The following SPMIP2 variants were observed in gnomAD, a reference collection of about 807,000 sequenced individuals.
The protein encoded by SPMIP2 is sperm microtubule inner protein 2.
At chr4:158,969,036 TATATA>T in the SPMIP2 span, among the ~76,000 whole-genome samples, 55 of 152,276 alleles carry the variant, frequency 3.6e-4, no homozygotes, top group Non-Finnish European at 5.4e-4. Context: ...GTTTTTAAAA[TATATA>T]ATATATTGGT....
chr4:158,925,651 A>G, the SPMIP2 span, among the ~76,000 whole-genome samples: 1 of 152,314 alleles, frequency 6.6e-6, no homozygotes, highest in East Asian at 1.9e-4. Flanking sequence ...ATGAGAATCT[A>G]ATGCTGCCAC....
chr4:158,975,743 C>T, the SPMIP2 span, among the ~76,000 whole-genome samples: 421 of 152,228 alleles, frequency 2.8e-3, no homozygotes, highest in African/African-American at 9.8e-3. Flanking sequence ...ATGTCTCCAG[C>T]TTTGTTCTTT....
chr4:159,048,186 C>A, the SPMIP2 span, among the ~76,000 whole-genome samples: 1 of 152,178 alleles, frequency 6.6e-6, no homozygotes, highest in South Asian at 2.1e-4. Context: ...GACCTGGCCT[C>A]TGTTTCAGAA....
the SPMIP2 span, chr4:158,895,922 C>T: frequency 6.5e-5 from 83 of 1,281,516 alleles, no homozygotes; most frequent in Non-Finnish European, 1.5e-5. Context: ...TAGCATTGTA[C>T]CCACTAACGT....
At chr4:159,029,833 G>C in the SPMIP2 span, among the ~76,000 whole-genome samples, 1 of 152,018 alleles carries the variant, frequency 6.6e-6, no homozygotes, top group Non-Finnish European at 1.5e-5. Context: ...GTATATTTTT[G>C]TATCCTCCAA....
chr4:158,902,345 C>G, the SPMIP2 span, among the ~76,000 whole-genome samples: 2 of 152,176 alleles, frequency 1.3e-5, no homozygotes, highest in Non-Finnish European at 2.9e-5. Flanking sequence ...GCTGCCTGTT[C>G]CTTCCTCTGG....
the SPMIP2 span, among the ~76,000 whole-genome samples, chr4:158,992,800 A>C: frequency 6.6e-6 from 1 of 152,166 alleles, no homozygotes; most frequent in Non-Finnish European, 1.5e-5. Context: ...GGTGCTGTGA[A>C]GCCTTCTTTA....
chr4:158,937,158 G>C, the SPMIP2 span, among the ~76,000 whole-genome samples: 6 of 152,154 alleles, frequency 3.9e-5, no homozygotes, highest in African/African-American at 9.7e-5. Flanking sequence ...TGATAATGTT[G>C]TATCTTGTTT....
chr4:158,923,176 T>C, the SPMIP2 span, among the ~76,000 whole-genome samples: 1 of 152,210 alleles, frequency 6.6e-6, no homozygotes, highest in African/African-American at 2.4e-5. Context: ...TTATAGCAAG[T>C]TTTGAAATGG....
chr4:158,962,545 G>A, the SPMIP2 span, among the ~76,000 whole-genome samples: 1 of 152,016 alleles, frequency 6.6e-6, no homozygotes, highest in African/African-American at 2.4e-5. Context: ...AATTCCCTAC[G>A]GCTATCTTTT....
the SPMIP2 span, among the ~76,000 whole-genome samples, chr4:158,979,270 T>G: frequency 6.6e-6 from 1 of 152,202 alleles, no homozygotes; most frequent in Non-Finnish European, 1.5e-5. Context: ...TTCAAGCCAG[T>G]GGATCTTAGC....
the SPMIP2 span, among the ~76,000 whole-genome samples, chr4:158,922,490 G>T: frequency 6.6e-6 from 1 of 152,200 alleles, no homozygotes; most frequent in South Asian, 2.1e-4. Context: ...ATGTCTAGAA[G>T]AAGATACTGT....
the SPMIP2 span, among the ~76,000 whole-genome samples, chr4:158,950,857 C>A: frequency 2.6e-5 from 4 of 152,160 alleles, no homozygotes; most frequent in Admixed American, 2.0e-4. Context: ...TGCACCATTG[C>A]ACTCCAGCCT....
At chr4:159,036,597 C>T in the SPMIP2 span, among the ~76,000 whole-genome samples, 2 of 152,164 alleles carry the variant, frequency 1.3e-5, no homozygotes, top group Non-Finnish European at 2.9e-5. Flanking sequence ...TTCAGAGAAC[C>T]CGACCTGAGA....
chr4:158,940,538 G>C, the SPMIP2 span, among the ~76,000 whole-genome samples: 1 of 143,576 alleles, frequency 7.0e-6, no homozygotes, highest in South Asian at 2.3e-4. Flanking sequence ...AAGTGGTGAT[G>C]TCCTAATTCT....
At chr4:158,899,443 C>T in the SPMIP2 span, among the ~76,000 whole-genome samples, 1 of 151,876 alleles carries the variant, frequency 6.6e-6, no homozygotes, top group East Asian at 1.9e-4. Flanking sequence ...AGCTCCTGTA[C>T]ACTCTGGTAG....
chr4:158,981,139 GAAGAC>G, the SPMIP2 span, among the ~76,000 whole-genome samples: 4 of 152,158 alleles, frequency 2.6e-5, no homozygotes, highest in African/African-American at 7.2e-5. Context: ...AATAAAGCAT[GAAGAC>G]AAGATTAGAG....
chr4:158,965,097 G>A, the SPMIP2 span, among the ~76,000 whole-genome samples: 2 of 152,216 alleles, frequency 1.3e-5, no homozygotes, highest in African/African-American at 4.8e-5. Context: ...CAGAGAAAAG[G>A]CATGTTTTTC....
chr4:158,968,555 T>C, the SPMIP2 span, among the ~76,000 whole-genome samples: 1 of 152,234 alleles, frequency 6.6e-6, no homozygotes, highest in African/African-American at 2.4e-5. Flanking sequence ...TTGTCTATCA[T>C]TGCATTTCAT....
Sources: allele counts gnomAD v4.1 joint callset (sites outside exome capture counted in the v4.1 genomes callset), GRCh38; gene constraint gnomAD v4.1.1; transcripts MANE v1.5; gene names NCBI Gene and HGNC (gene_info 2026-07-23, HGNC 2026-07-21).